The following PPP1R9A variants were observed in gnomAD, a reference collection of about 807,000 sequenced individuals.
PPP1R9A encodes neurabin-1.
A neutral mutation model predicts 141.9 loss-of-function variants in PPP1R9A; 59 were observed. That is an observed-to-expected ratio of 0.42 (90% CI 0.34 to 0.52). PPP1R9A has a LOEUF of 0.52. Among genes scored for constraint, PPP1R9A ranks in the 20% least tolerant of loss-of-function variants. PPP1R9A has a pLI of 0.10. For synonymous variants in PPP1R9A, 500 were observed against 569.7 expected (o/e 0.88, Z 1.74); for missense variants, 1,444 against 1,611.9 (o/e 0.90, Z 1.78).
At chr7:95,015,904 T>C (rs1418674541) in intron 2 of PPP1R9A, among the ~76,000 whole-genome samples, 1 of 151,786 alleles carries the variant, frequency 6.6e-6, no homozygotes, top group Non-Finnish European at 1.5e-5. Context: ...TAAAAAAAAT[T>C]AGGGCAGGCA....
chr7:95,055,944 A>T (rs1811440786), intron 2 of PPP1R9A, among the ~76,000 whole-genome samples: 1 of 152,152 alleles, frequency 6.6e-6, no homozygotes, highest in Non-Finnish European at 1.5e-5. Flanking sequence ...ATTGCTAATC[A>T]ATACAGAGCA....
At chr7:94,999,317 C>G (rs1265482195) in intron 2 of PPP1R9A, among the ~76,000 whole-genome samples, 1 of 152,142 alleles carries the variant, frequency 6.6e-6, no homozygotes, top group Non-Finnish European at 1.5e-5. Flanking sequence ...TTCCTGAAAG[C>G]TGTCCTGTGT....
At chr7:95,043,276 G>C (rs1282060345) in intron 2 of PPP1R9A, among the ~76,000 whole-genome samples, 1 of 152,160 alleles carries the variant, frequency 6.6e-6, no homozygotes, top group Non-Finnish European at 1.5e-5. Flanking sequence ...AAGCAGAGTG[G>C]TAAGACATAT....
chr7:95,235,091 T>C (rs967513692), intron 8 of PPP1R9A, among the ~76,000 whole-genome samples: 1 of 152,092 alleles, frequency 6.6e-6, no homozygotes, highest in South Asian at 2.1e-4. Context: ...AAAACTCTTC[T>C]AGACACTGGC....
At chr7:94,982,306 G>A (rs1209055730) in intron 2 of PPP1R9A, among the ~76,000 whole-genome samples, 2 of 152,138 alleles carry the variant, frequency 1.3e-5, no homozygotes, top group African/African-American at 4.8e-5. Flanking sequence ...TGTCTTTATA[G>A]TAGTATGATT....
intron 7 of PPP1R9A, among the ~76,000 whole-genome samples, chr7:95,210,769 T>G (rs1415803528): frequency 2.0e-5 from 3 of 152,122 alleles, no homozygotes; most frequent in Non-Finnish European, 4.4e-5. Context: ...AATGATAGAC[T>G]GGATAAAGAA....
chr7:94,981,073 G>A (rs893556299), intron 2 of PPP1R9A, among the ~76,000 whole-genome samples: 2 of 152,110 alleles, frequency 1.3e-5, no homozygotes, highest in Non-Finnish European at 2.9e-5. Context: ...AATGGGAGAT[G>A]GTTGCTTGCT....
chr7:95,026,989 T>G (rs1806945872), intron 2 of PPP1R9A, among the ~76,000 whole-genome samples: 1 of 152,120 alleles, frequency 6.6e-6, no homozygotes, highest in Non-Finnish European at 1.5e-5. Flanking sequence ...GTAGTGAGAA[T>G]TTCAAGCCAG....
At chr7:95,052,864 A>G (rs907911054) in intron 2 of PPP1R9A, among the ~76,000 whole-genome samples, 1 of 152,132 alleles carries the variant, frequency 6.6e-6, no homozygotes, top group Non-Finnish European at 1.5e-5. Context: ...AGTGCCATCA[A>G]TTCTAAGTCT....
intron 4 of PPP1R9A, among the ~76,000 whole-genome samples, chr7:95,122,973 C>T (rs1433449707): frequency 6.6e-6 from 1 of 151,326 alleles, no homozygotes; most frequent in Non-Finnish European, 1.5e-5. Flanking sequence ...ATCCAGAAAG[C>T]CAAACCAAAG....
chr7:95,150,438 G>T (rs968284792), intron 4 of PPP1R9A, among the ~76,000 whole-genome samples: 7 of 152,112 alleles, frequency 4.6e-5, no homozygotes, highest in Non-Finnish European at 8.8e-5. Flanking sequence ...GAGTAGCTGG[G>T]ATTATAGGAG....
At position 95,262,844 on chromosome 7, in the gene PPP1R9A, C is replaced by A. The variant is rs183304097; in HGVS notation, c.2666-5706C>A. ...ATAGCTCATACAACAAAAGTTCAGA[C>A]CTAGTTAGAAGATTAGAAAATAGCA... On this transcript the variant is annotated intron_variant, in intron 12 of 19. Transcript: ENST00000433360. Among the ~76,000 whole-genome samples the A allele has an allele frequency of 1.5e-3, 232 of 152,250 alleles. 1 individual carries two copies. The highest frequency in any genetic ancestry group is 0.014 in the Middle Eastern group (4 of 292).
chr7:95,021,277 A>T (rs867539910), intron 2 of PPP1R9A, among the ~76,000 whole-genome samples: 2 of 149,990 alleles, frequency 1.3e-5, no homozygotes, highest in African/African-American at 4.9e-5. Flanking sequence ...TCTTCTTTTG[A>T]AAAGTGTTCA....
At chr7:95,000,525 TTTGAG>T (rs1802778808) in intron 2 of PPP1R9A, among the ~76,000 whole-genome samples, 1 of 152,290 alleles carries the variant, frequency 6.6e-6, no homozygotes, top group African/African-American at 2.4e-5. Context: ...GCCTACATAA[TTTGAG>T]TTCTTTTTCC....
At chr7:95,206,739 G>T (rs984316926) in intron 7 of PPP1R9A, among the ~76,000 whole-genome samples, 9 of 152,118 alleles carry the variant, frequency 5.9e-5, no homozygotes, top group African/African-American at 2.2e-4. Context: ...TACTTTTCTT[G>T]AACTGCTTCT....
At chr7:95,147,244 T>C (rs530609287) in intron 4 of PPP1R9A, among the ~76,000 whole-genome samples, 35 of 152,310 alleles carry the variant, frequency 2.3e-4, no homozygotes, top group African/African-American at 8.2e-4. Flanking sequence ...GATATTTTAT[T>C]CTCCTTGTAG....
chr7:95,159,100 G>A (rs1431706263), intron 4 of PPP1R9A, among the ~76,000 whole-genome samples: 2 of 152,132 alleles, frequency 1.3e-5, no homozygotes, highest in Non-Finnish European at 2.9e-5. Context: ...GACTATTACA[G>A]CAATATTTTA....
intron 2 of PPP1R9A, among the ~76,000 whole-genome samples, chr7:94,915,082 CAGTA>C (rs1334207787): frequency 1.3e-5 from 2 of 152,130 alleles, no homozygotes; most frequent in African/African-American, 4.8e-5. Context: ...TTCTAACTCA[CAGTA>C]AGAAGGATAT....
At chr7:95,242,179 G>A in intron 8 of PPP1R9A, among the ~76,000 whole-genome samples, 1 of 152,126 alleles carries the variant, frequency 6.6e-6, no homozygotes, top group East Asian at 1.9e-4. Context: ...CCAAAATGTA[G>A]TTAAAAACAG....
Sources: allele counts gnomAD v4.1 joint callset (sites outside exome capture counted in the v4.1 genomes callset), GRCh38; gene constraint gnomAD v4.1.1; transcripts MANE v1.5; gene names NCBI Gene and HGNC (gene_info 2026-07-23, HGNC 2026-07-21).